Variants in AGBL4 observed in about 807,000 individuals in gnomAD.
AGBL4 encodes AGBL carboxypeptidase 4.
In AGBL4, 58 loss-of-function variants were observed where a neutral mutation model predicts 66.4. The observed-to-expected ratio is 0.87, with a 90% CI of 0.71 to 1.09. AGBL4 has a LOEUF of 1.09. AGBL4 is among the 50% of genes least tolerant of loss of function. AGBL4 has a pLI of 0.00. For missense variants in AGBL4, 579 were observed against 631.0 expected, an observed-to-expected ratio of 0.92 and a Z score of 0.88; for synonymous variants, 234 against 222.9, an observed-to-expected ratio of 1.05 and a Z score of -0.44.
At chr1:48,747,710 G>A (rs1650990412) in intron 6 of AGBL4, among the ~76,000 whole-genome samples, 2 of 152,182 alleles carry the variant, frequency 1.3e-5, no homozygotes, top group Non-Finnish European at 1.5e-5. Flanking sequence ...GTTTGCTGGG[G>A]CAACAAATAC....
chr1:48,636,911 A>C (rs1645676491), intron 8 of AGBL4, among the ~76,000 whole-genome samples: 1 of 152,246 alleles, frequency 6.6e-6, no homozygotes, highest in Non-Finnish European at 1.5e-5. Context: ...TCAGGGAACA[A>C]GGATGAGGCA....
intron 9 of AGBL4, among the ~76,000 whole-genome samples, chr1:48,626,348 C>T (rs1645502336): frequency 6.6e-6 from 1 of 152,218 alleles, no homozygotes; most frequent in Non-Finnish European, 1.5e-5. Flanking sequence ...GTGAGGTAGG[C>T]AGGTCAGAAA....
intron 4 of AGBL4, chr1:49,187,170 T>C (rs911631820): frequency 6.6e-6 from 1 of 152,202 alleles, no homozygotes; most frequent in Admixed American, 6.5e-5. Flanking sequence ...TTTATTAGAA[T>C]ATTCTTGTGC....
At chr1:49,819,188 C>G (rs74078094) in intron 2 of AGBL4, among the ~76,000 whole-genome samples, 267 of 152,232 alleles carry the variant, frequency 1.8e-3, no homozygotes, top group African/African-American at 6.2e-3. Context: ...CACCTTTTGA[C>G]CCCCTGAAAA....
chr1:48,618,685 A>G (rs1336390815), intron 9 of AGBL4, among the ~76,000 whole-genome samples: 1 of 152,200 alleles, frequency 6.6e-6, no homozygotes, highest in Non-Finnish European at 1.5e-5. Flanking sequence ...GTGGAGGAAC[A>G]GGAGACATCC....
intron 2 of AGBL4, among the ~76,000 whole-genome samples, chr1:49,827,881 G>A (rs1645552259): frequency 6.6e-6 from 1 of 152,122 alleles, no homozygotes; most frequent in Non-Finnish European, 1.5e-5. Context: ...CGTTTTACCA[G>A]GGCTTAATTA....
chr1:49,096,204 G>C (rs1472339556), intron 4 of AGBL4, among the ~76,000 whole-genome samples: 6 of 152,000 alleles, frequency 3.9e-5, no homozygotes, highest in African/African-American at 1.4e-4. Flanking sequence ...TGCTGGAGAA[G>C]ATGTGGAGAA....
At chr1:49,851,213 A>G (rs1571714282) in intron 2 of AGBL4, among the ~76,000 whole-genome samples, 183 bp downstream of exon 2, 1 of 152,284 alleles carries the variant, frequency 6.6e-6, no homozygotes, top group East Asian at 1.9e-4. Context: ...TTAATCATTT[A>G]TAACAACAAA....
rs529413215 is a variant in AGBL4, at chr1:48,993,772, T to C, written c.594+51812A>G. The stretch of plus-strand genomic sequence containing the variant: ...TTTAGCCTGTTGTTTCTTTCCACTA[T>C]GACACAGCAGCACTGAGTTCCAATA... On this transcript the variant is annotated intron_variant, in intron 5 of 13. Transcript: ENST00000371839. 2.0e-5 allele frequency among the ~76,000 whole-genome samples: 3 copies of C among 152,268 alleles called. No homozygotes were observed. The South Asian group carries it at 6.2e-4, about 32-fold the overall frequency.
intron 1 of AGBL4, among the ~76,000 whole-genome samples, chr1:49,863,899 C>T (rs1646637362): frequency 6.6e-6 from 1 of 152,140 alleles, no homozygotes; most frequent in African/African-American, 2.4e-5. Flanking sequence ...AATAGAGCTA[C>T]CATATGATCC....
At chr1:49,138,944 T>C (rs545786117) in intron 4 of AGBL4, among the ~76,000 whole-genome samples, 1 of 152,240 alleles carries the variant, frequency 6.6e-6, no homozygotes, top group Admixed American at 6.5e-5. Context: ...ACAGAACGAA[T>C]GGCTGGGGAG....
intron 3 of AGBL4, among the ~76,000 whole-genome samples, chr1:49,400,604 G>T (rs1050262246): frequency 6.6e-6 from 1 of 151,420 alleles, no homozygotes; most frequent in Non-Finnish European, 1.5e-5. Context: ...TTAACTACTA[G>T]GTGTTTAATT....
chr1:49,058,963 A>G (rs1644354061), intron 4 of AGBL4, among the ~76,000 whole-genome samples: 1 of 152,214 alleles, frequency 6.6e-6, no homozygotes, highest in African/African-American at 2.4e-5. Context: ...GAGGAAGAAG[A>G]GCAGAAAAGT....
intron 3 of AGBL4, among the ~76,000 whole-genome samples, chr1:49,397,883 G>C (rs1255915392): frequency 1.3e-5 from 2 of 152,156 alleles, no homozygotes; most frequent in African/African-American, 2.4e-5. Context: ...TATGGATAAA[G>C]TGAATAGATT....
At chr1:48,898,355 T>C (rs1010891329) in intron 5 of AGBL4, among the ~76,000 whole-genome samples, 2 of 152,212 alleles carry the variant, frequency 1.3e-5, no homozygotes, top group Non-Finnish European at 2.9e-5. Flanking sequence ...GCTTTTGAGG[T>C]CTTATACAAA....
intron 1 of AGBL4, among the ~76,000 whole-genome samples, chr1:49,909,442 T>A (rs1384340762): frequency 6.6e-6 from 1 of 152,166 alleles, no homozygotes; most frequent in African/African-American, 2.4e-5. Flanking sequence ...GTAAGCCATG[T>A]GGATAACTGA....
intron 6 of AGBL4, among the ~76,000 whole-genome samples, chr1:48,854,804 C>T (rs965479915): frequency 6.6e-6 from 1 of 152,066 alleles, no homozygotes; most frequent in Non-Finnish European, 1.5e-5. Flanking sequence ...TCTTGTTTTT[C>T]CTAGGAGTAG....
chr1:49,569,697 A>T (rs1644288040), intron 3 of AGBL4, among the ~76,000 whole-genome samples: 1 of 152,236 alleles, frequency 6.6e-6, no homozygotes, highest in Non-Finnish European at 1.5e-5. Context: ...AATAATGTAC[A>T]TTGCACACAA....
chr1:49,887,775 T>C (rs1474803592), intron 1 of AGBL4, among the ~76,000 whole-genome samples: 1 of 152,148 alleles, frequency 6.6e-6, no homozygotes, highest in Admixed American at 6.5e-5. Context: ...GACAGATATC[T>C]GCATGGCGTA....
Sources: gnomAD v4.1 joint callset for allele counts (sites outside exome capture counted in the v4.1 genomes callset) on GRCh38, gnomAD v4.1.1 for gene constraint, MANE v1.5 for transcripts, NCBI Gene and HGNC (gene_info 2026-07-23, HGNC 2026-07-21) for gene names.